Variants in AMOTL1 observed in about 807,000 individuals in gnomAD.
AMOTL1 encodes the protein angiomotin like 1, also known as angiomotin-like protein 1.
Under a neutral mutation model 102.9 loss-of-function variants are expected in AMOTL1, and 45 were observed. The observed-to-expected ratio is 0.44, with a 90% CI of 0.34 to 0.56. The LOEUF (loss-of-function observed/expected upper bound fraction) is 0.56, where lower values mean the gene tolerates loss of function less well. Ranked by LOEUF, AMOTL1 falls within the 20% of genes least tolerant of loss-of-function variation. The pLI is 0.01. For missense variants in AMOTL1, 1,114 were observed against 1,225.6 expected (o/e 0.91, Z 1.36); for synonymous variants, 481 against 484.7 (o/e 0.99, Z 0.10).
chr11:94,860,024 A>G (rs1319573672), intron 9 of AMOTL1, among the ~76,000 whole-genome samples: 1 of 152,242 alleles, frequency 6.6e-6, no homozygotes, highest in Non-Finnish European at 1.5e-5. Flanking sequence ...ATATCAATAC[A>G]TTTAACATAG....
intron 6 of AMOTL1, among the ~76,000 whole-genome samples, chr11:94,835,854 G>A (rs187059267): frequency 1.0e-3 from 153 of 152,328 alleles, no homozygotes; most frequent in Admixed American, 1.7e-3. Context: ...ATATTGATGA[G>A]TCATGGGTGT....
chr11:94,722,622 C>T (rs1950191293), intron 1 of AMOTL1, among the ~76,000 whole-genome samples: 1 of 152,130 alleles, frequency 6.6e-6, no homozygotes, highest in African/African-American at 2.4e-5. Flanking sequence ...AGATTTGTCT[C>T]CAAAGTCCTT....
rs1953016279 is a variant in AMOTL1, at chr11:94,872,381, T to A, written c.*1586T>A. The A allele has an allele frequency of 6.6e-6, 1 of 152,196 alleles. No homozygotes were observed. The highest frequency in any genetic ancestry group is 1.5e-5 in the Non-Finnish European group (1 of 68,078). 9.4% of individuals were successfully genotyped at this position (152,196 alleles called of 1,614,324 possible). A position where few individuals can be genotyped will look rare whatever the true frequency, so the allele number is the denominator to read the frequency against. On this transcript the variant is annotated 3_prime_UTR_variant, in exon 13 of 13. Transcript: ENST00000433060. Reference sequence around the variant, plus strand: ...CCAGTTCCCTTTGCTCATGCTTACTTAGAGGAAGAAAGAAAGGGGGGTACC... The same window carrying A: ...CCAGTTCCCTTTGCTCATGCTTACTAAGAGGAAGAAAGAAAGGGGGGTACC...
chr11:94,863,592 CA>C (rs113029538), intron 9 of AMOTL1, among the ~76,000 whole-genome samples: 3,435 of 132,246 alleles, frequency 0.026, 158 homozygotes, highest in East Asian at 0.24. Flanking sequence ...AACTCCATCT[CA>C]AAAAAAAAAA....
upstream of AMOTL1, among the ~76,000 whole-genome samples, chr11:94,768,056 G>C (rs1950877363): frequency 6.6e-6 from 1 of 152,224 alleles, no homozygotes; most frequent in South Asian, 2.1e-4. Flanking sequence ...GGGCTGGTGG[G>C]GAAGGAAGAC....
chr11:94,851,089 G>T (rs543581119), intron 7 of AMOTL1, among the ~76,000 whole-genome samples: 1 of 152,310 alleles, frequency 6.6e-6, no homozygotes, highest in East Asian at 1.9e-4. Flanking sequence ...CATAAGTCTT[G>T]CATAGAAACT....
At chr11:94,755,751 C>G (rs935973024) in intron 3 of AMOTL1, among the ~76,000 whole-genome samples, 1 of 152,142 alleles carries the variant, frequency 6.6e-6, no homozygotes, top group African/African-American at 2.4e-5. Flanking sequence ...GGGCTCCAAG[C>G]CCACGGCAGC....
At chr11:94,707,073 A>T (rs1949940316) in intron 1 of AMOTL1, among the ~76,000 whole-genome samples, 1 of 151,986 alleles carries the variant, frequency 6.6e-6, no homozygotes, top group Admixed American at 6.6e-5. Flanking sequence ...GTGTAGCAGG[A>T]AAAAAAGGGG....
rs141666973 is a variant in AMOTL1 at position 94,722,374 on chromosome 11, T to A, written c.-50-6547T>A. Reference sequence around the variant, plus strand: ...ACATCACTTCCAGAAGTGTATCTACTTCACATGCTAATAGTGATAATAATA... The same window carrying A: ...ACATCACTTCCAGAAGTGTATCTACATCACATGCTAATAGTGATAATAATA... On this transcript the variant is annotated intron_variant, in intron 1 of 4. Coordinates refer to the AMOTL1 transcript ENST00000299004. Among the ~76,000 whole-genome samples, 58 of 152,288 alleles carry A rather than the reference T, an allele frequency of 3.8e-4. No homozygotes were observed. The East Asian group carries it at 0.011, about 28-fold the overall frequency.
intron 3 of AMOTL1, among the ~76,000 whole-genome samples, chr11:94,758,754 T>A (rs966027398): frequency 2.2e-4 from 34 of 152,222 alleles, no homozygotes; most frequent in Admixed American, 2.2e-3. Context: ...ACAAGAAATT[T>A]TTGGGATATA....
In AMOTL1 at chr11:94,831,558, T is replaced by G; in HGVS notation, c.1648+17T>G. 1 of 1,600,778 alleles carries G rather than the reference T, an allele frequency of 6.2e-7. No individual in the cohort carries two copies. The highest frequency in any genetic ancestry group is 1.1e-5 in the South Asian group (1 of 88,840). ...CTTCCCAGAGTGAGTCTCCACTTATTTATTATCCCAAAGTTTGTTTGTTTA... is the reference window on the plus strand; with the variant it reads ...CTTCCCAGAGTGAGTCTCCACTTATGTATTATCCCAAAGTTTGTTTGTTTA... On this transcript the variant is annotated intron_variant, in intron 6 of 12. Transcript: ENST00000433060.
rs1041670188 is a variant in AMOTL1 at position 94,859,692 on chromosome 11, C to T, written c.2112C>T (p.Ala704=). Residue 704 remains alanine (A), a synonymous_variant, in exon 9 of 13, where the codon GCC becomes GCT. Transcript: ENST00000433060. ...ESTIRHFAMN[A]AATAAAERDT... Reference sequence around the variant, plus strand: ...CCATCCGACACTTTGCCATGAATGCCGCAGCCACTGCAGCAGCTGAGAGGT... The same window carrying T: ...CCATCCGACACTTTGCCATGAATGCTGCAGCCACTGCAGCAGCTGAGAGGT... 6 of 1,610,608 alleles carry T rather than the reference C, an allele frequency of 3.7e-6. No individual in the cohort carries two copies. Among genetic ancestry groups the T allele is most frequent in the Admixed American group, 1.7e-5 (1 of 59,676 alleles).
At chr11:94,866,199 T>C in intron 11 of AMOTL1, 31 bp downstream of exon 11, 1 of 1,604,030 alleles carries the variant, frequency 6.2e-7, no homozygotes. Context: ...AGACCATGAT[T>C]GGAAAAGCAA....
At chr11:94,852,859 A>C (rs1354214971) in intron 7 of AMOTL1, among the ~76,000 whole-genome samples, 1 of 152,242 alleles carries the variant, frequency 6.6e-6, no homozygotes, top group East Asian at 1.9e-4. Flanking sequence ...ATGGGTACAC[A>C]TACATATATA....
In AMOTL1 at chr11:94,758,205, T is replaced by C. The variant is rs538971783; in HGVS notation, c.136+17217T>C. On this transcript the variant is annotated intron_variant, in intron 3 of 4. Coordinates refer to the AMOTL1 transcript ENST00000299004. ...AGCTAAAAAATCAAATGTTCAAAGA[T>C]ATGGAGCAGTGCCTAATGTCTGGAG... 3.3e-5 allele frequency among the ~76,000 whole-genome samples: 5 copies of C among 152,370 alleles called. No homozygotes were observed. In the East Asian group the frequency reaches 7.7e-4, roughly 24 times the overall value.
chr11:94,751,705 A>G (rs1323974235), intron 3 of AMOTL1, among the ~76,000 whole-genome samples: 1 of 152,006 alleles, frequency 6.6e-6, no homozygotes, highest in Non-Finnish European at 1.5e-5. Flanking sequence ...TTGGCTAAAA[A>G]AAAAAAAAAG....
At chr11:94,739,508 A>G (rs1352012504) in intron 2 of AMOTL1, among the ~76,000 whole-genome samples, 1 of 152,168 alleles carries the variant, frequency 6.6e-6, no homozygotes, top group Non-Finnish European at 1.5e-5. Flanking sequence ...AAAAACTGAC[A>G]GTGGAAAAGC....
At chr11:94,840,673 TATATATATACAC>T (rs1952279626) in intron 6 of AMOTL1, among the ~76,000 whole-genome samples, 2 of 128,362 alleles carry the variant, frequency 1.6e-5, no homozygotes, top group East Asian at 4.9e-4. Flanking sequence ...TATATATATA[TATATATATACAC>T]ACACACACAC....
At chr11:94,772,597 A>G (rs934875151) in intron 1 of AMOTL1, among the ~76,000 whole-genome samples, 1 of 152,240 alleles carries the variant, frequency 6.6e-6, no homozygotes, top group Non-Finnish European at 1.5e-5. Context: ...ATATGGATGT[A>G]CTATGGTTTG....
Sources: gnomAD v4.1 joint callset for allele counts (sites outside exome capture counted in the v4.1 genomes callset) on GRCh38, gnomAD v4.1.1 for gene constraint, MANE v1.5 for transcripts, NCBI Gene and HGNC (gene_info 2026-07-23, HGNC 2026-07-21) for gene names.